Variants in ZFPM2 observed in about 807,000 individuals in gnomAD.
The protein encoded by ZFPM2 is zinc finger protein, FOG family member 2.
ZFPM2 carries 20 observed loss-of-function variants against 98.6 expected under a neutral mutation model. That is an observed-to-expected ratio of 0.20 (90% confidence interval 0.14 to 0.29). The LOEUF is 0.29. ZFPM2 is among the 10% of genes least tolerant of loss of function. ZFPM2 has a pLI of 1.00. For missense variants in ZFPM2, 1,310 were observed against 1,388.6 expected, an observed-to-expected ratio of 0.94 and a Z score of 0.90; for synonymous variants, 518 against 502.7, an observed-to-expected ratio of 1.03 and a Z score of -0.41.
In ZFPM2 at chr8:105,374,879, T is replaced by A. The variant is rs567382839; in HGVS notation, c.41-44265T>A. Among the ~76,000 whole-genome samples the A allele has an allele frequency of 2.1e-4, 31 of 150,320 alleles. No individual in the cohort carries two copies. In the East Asian group the frequency reaches 6.3e-3, roughly 30 times the overall value. On this transcript the variant is annotated intron_variant, in intron 1 of 7. Coordinates refer to ENST00000407775, the MANE Select transcript of ZFPM2 (RefSeq NM_012082.4). ...GTAGGGTAGCTCCAGTTTATGGGAG[T>A]AAAGACAACATTTTTTTTTTTGGGT...
At position 105,798,712 on chromosome 8, in the gene ZFPM2, T is replaced by C. The variant is rs1433495796; in HGVS notation, c.740-12T>C. ...ACAGCAGCAAATGTGTCTCTTGTGT[T>C]TTTACCTGCAGAGGATATATTCCCT... On this transcript the variant is annotated splice_polypyrimidine_tract_variant and intron_variant, in intron 6 of 7. Transcript: ENST00000407775. The C allele has an allele frequency of 6.2e-7, 1 of 1,607,018 alleles. No individual in the cohort carries two copies. Among genetic ancestry groups the C allele is most frequent in the South Asian group, 1.1e-5 (1 of 90,546 alleles).
At chr8:105,472,787 C>A (rs138875999) in intron 3 of ZFPM2, among the ~76,000 whole-genome samples, 2 of 151,300 alleles carry the variant, frequency 1.3e-5, no homozygotes, top group African/African-American at 2.4e-5. Flanking sequence ...GGATTACAGG[C>A]GTGAGCCACC....
chr8:105,376,583 G>A (rs1041672656), intron 1 of ZFPM2, among the ~76,000 whole-genome samples: 3 of 152,098 alleles, frequency 2.0e-5, no homozygotes, highest in Admixed American at 6.5e-5. Context: ...TCACAAATCT[G>A]TTCCTCTTCA....
At chr8:105,508,442 G>T (rs1281068080) in intron 3 of ZFPM2, among the ~76,000 whole-genome samples, 1 of 152,094 alleles carries the variant, frequency 6.6e-6, no homozygotes, top group Non-Finnish European at 1.5e-5. Context: ...AGGGGCATGG[G>T]CTGGGGGTTG....
intron 3 of ZFPM2, among the ~76,000 whole-genome samples, chr8:105,453,020 A>C (rs1214214454): frequency 6.6e-6 from 1 of 152,204 alleles, no homozygotes; most frequent in East Asian, 1.9e-4. Flanking sequence ...TATGCATTAG[A>C]AGTAGTTTAA....
At chr8:105,799,335 A>C (rs1389912968) in intron 7 of ZFPM2, among the ~76,000 whole-genome samples, 1 of 152,240 alleles carries the variant, frequency 6.6e-6, no homozygotes, top group Non-Finnish European at 1.5e-5. Flanking sequence ...ATAGGTACAT[A>C]AATATAAGTG....
chr8:105,405,575 C>G (rs926224579), intron 1 of ZFPM2, among the ~76,000 whole-genome samples: 1 of 151,864 alleles, frequency 6.6e-6, no homozygotes, highest in Admixed American at 6.6e-5. Flanking sequence ...TGATGGTTTC[C>G]AGCTTCATCC....
intron 3 of ZFPM2, among the ~76,000 whole-genome samples, chr8:105,461,181 T>C (rs553179275): frequency 6.6e-6 from 1 of 152,150 alleles, no homozygotes; most frequent in Admixed American, 6.6e-5. Flanking sequence ...TAGTGGAATA[T>C]TTTAGCACAT....
chr8:105,643,873 T>C (rs1327566640), intron 5 of ZFPM2, among the ~76,000 whole-genome samples: 1 of 152,192 alleles, frequency 6.6e-6, no homozygotes, highest in Non-Finnish European at 1.5e-5. Flanking sequence ...ATTACAAGGA[T>C]TGATAAATAA....
At chr8:105,561,275 C>A in intron 3 of ZFPM2, 88 bp from the exon 4 acceptor site, 2 of 941,856 alleles carry the variant, frequency 2.1e-6, no homozygotes, top group Non-Finnish European at 3.4e-6. Context: ...CTGAGAATAT[C>A]ATGTGTGTAA....
At chr8:105,515,442 G>A (rs1274687680) in intron 3 of ZFPM2, among the ~76,000 whole-genome samples, 3 of 152,256 alleles carry the variant, frequency 2.0e-5, no homozygotes, top group African/African-American at 7.2e-5. Context: ...ATAGCAAGAA[G>A]TAAGATTAAA....
chr8:105,673,261 C>A (rs867119231), intron 5 of ZFPM2, among the ~76,000 whole-genome samples: 29 of 119,266 alleles, frequency 2.4e-4, no homozygotes, highest in East Asian at 7.5e-4. Flanking sequence ...AATCAAGTCT[C>A]ATTTTTTTTT....
intron 5 of ZFPM2, among the ~76,000 whole-genome samples, chr8:105,776,281 C>A (rs371594023): frequency 7.2e-5 from 11 of 152,072 alleles, no homozygotes; most frequent in African/African-American, 2.7e-4. Context: ...TTTGCCACAG[C>A]TAATTATATA....
At chr8:105,651,696 G>A (rs1817181890) in intron 5 of ZFPM2, among the ~76,000 whole-genome samples, 1 of 150,922 alleles carries the variant, frequency 6.6e-6, no homozygotes, top group African/African-American at 2.5e-5. Context: ...CACCTCAAAG[G>A]CAACAATTCA....
At chr8:105,516,482 G>T (rs1457201416) in intron 3 of ZFPM2, among the ~76,000 whole-genome samples, 1 of 152,162 alleles carries the variant, frequency 6.6e-6, no homozygotes, top group Non-Finnish European at 1.5e-5. Flanking sequence ...TATACTTTTA[G>T]ATAACCCTGA....
intron 1 of ZFPM2, among the ~76,000 whole-genome samples, chr8:105,379,022 A>C (rs1188688235): frequency 6.6e-6 from 1 of 152,158 alleles, no homozygotes; most frequent in Non-Finnish European, 1.5e-5. Flanking sequence ...GTAGATAATT[A>C]ACGTCTAGGA....
At chr8:105,643,462 G>C (rs1464976910) in intron 5 of ZFPM2, among the ~76,000 whole-genome samples, 4 of 151,910 alleles carry the variant, frequency 2.6e-5, no homozygotes, top group African/African-American at 9.7e-5. Flanking sequence ...CCTCATTCTA[G>C]TTAATCCAGC....
At chr8:105,722,057 AT>A (rs1811681247) in intron 5 of ZFPM2, among the ~76,000 whole-genome samples, 1 of 151,716 alleles carries the variant, frequency 6.6e-6, no homozygotes, top group African/African-American at 2.4e-5. Context: ...TATTAAAATA[AT>A]TTTACCTTTT....
intron 1 of ZFPM2, among the ~76,000 whole-genome samples, chr8:105,384,630 G>T (rs1810949291): frequency 6.6e-6 from 1 of 152,014 alleles, no homozygotes; most frequent in Non-Finnish European, 1.5e-5. Context: ...GCAATAGTTA[G>T]TTGGGAACAA....
Sources: allele counts gnomAD v4.1 joint callset (sites outside exome capture counted in the v4.1 genomes callset), GRCh38; gene constraint gnomAD v4.1.1; transcripts MANE v1.5; gene names NCBI Gene and HGNC (gene_info 2026-07-23, HGNC 2026-07-21).